The following FBXL20 variants were observed in gnomAD, a reference collection of about 807,000 sequenced individuals.
FBXL20 encodes F-box and leucine rich repeat protein 20.
Under a neutral mutation model 64.0 loss-of-function variants are expected in FBXL20, and 11 were observed. The ratio of observed to expected loss-of-function variants is 0.17; its 90% CI spans 0.11 to 0.28. FBXL20 has a LOEUF of 0.28. Ranked by LOEUF, FBXL20 falls within the 10% of genes least tolerant of loss-of-function variation. The pLI, the probability that FBXL20 is intolerant of heterozygous loss-of-function variation, is 1.00. For synonymous variants in FBXL20, 184 were observed against 189.0 expected (o/e 0.97, Z 0.22); for missense variants, 303 against 526.2 (o/e 0.58, Z 4.15).
chr17:39,340,701 A>T (rs546054407), intron 2 of FBXL20, among the ~76,000 whole-genome samples: 8 of 148,418 alleles, frequency 5.4e-5, no homozygotes, highest in Non-Finnish European at 9.0e-5. Flanking sequence ...AAGAACATCT[A>T]AAAAAAAAAG....
chr17:39,368,978 AT>A (rs2047888708), intron 1 of FBXL20, among the ~76,000 whole-genome samples: 1 of 152,242 alleles, frequency 6.6e-6, no homozygotes, highest in African/African-American at 2.4e-5. Context: ...CTTCTAAAAA[AT>A]AACTGAAGTT....
chr17:39,311,687 C>T (rs1019239728), intron 2 of FBXL20, among the ~76,000 whole-genome samples: 8 of 152,126 alleles, frequency 5.3e-5, no homozygotes, highest in Non-Finnish European at 1.0e-4. Context: ...AATGCTGCTG[C>T]TTTTTCCTGT....
intron 1 of FBXL20, among the ~76,000 whole-genome samples, chr17:39,362,286 C>A (rs1445812859): frequency 1.3e-5 from 2 of 150,962 alleles, no homozygotes; most frequent in African/African-American, 4.9e-5. Flanking sequence ...GAGCGAGACT[C>A]CGTCTCAAAA....
chr17:39,331,803 CTCT>C (rs2047464008), intron 2 of FBXL20, among the ~76,000 whole-genome samples: 1 of 152,202 alleles, frequency 6.6e-6, no homozygotes, highest in African/African-American at 2.4e-5. Context: ...ATCTGTTTGT[CTCT>C]TCATTAACTA....
chr17:39,313,204 A>C (rs1225046717), intron 2 of FBXL20, among the ~76,000 whole-genome samples: 1 of 151,872 alleles, frequency 6.6e-6, no homozygotes, highest in Admixed American at 6.6e-5. Context: ...GGTGTGAGCC[A>C]CAGTGCCCGG....
intron 5 of FBXL20, chr17:39,297,651 T>TA: frequency 6.5e-6 from 1 of 154,796 alleles, no homozygotes; most frequent in African/African-American, 2.4e-5. Flanking sequence ...GGGACCCTTC[T>TA]AGACTCTGCC....
Position 39,320,091 on chromosome 17 carries a change from G to A in FBXL20, c.105-16452C>T, listed in dbSNP as rs913683089. Reference sequence around the variant, plus strand: ...GTCCCTACAAACAACATACATACACGTACACACAGATTTTGTTTCTTATAT... The same window carrying A: ...GTCCCTACAAACAACATACATACACATACACACAGATTTTGTTTCTTATAT... On this transcript the variant is annotated intron_variant, in intron 2 of 14. Transcript: ENST00000264658. 1.5e-4 allele frequency among the ~76,000 whole-genome samples: 23 copies of A among 152,106 alleles called. No individual in the cohort carries two copies. In the East Asian group the frequency reaches 1.5e-3, roughly 10 times the overall value.
rs563611811 is a variant in FBXL20, at chr17:39,352,554, A to C, written c.43-9313T>G. 5.3e-5 allele frequency among the ~76,000 whole-genome samples: 8 copies of C among 151,668 alleles called. No homozygotes were observed. The East Asian group carries it at 1.4e-3, about 26-fold the overall frequency. On this transcript the variant is annotated intron_variant, in intron 1 of 14. Transcript: ENST00000264658. ...AAATCAGCCGGGTGTGGTAGCGTGCACCTGTAGTCCCAACTACTTGGGAGG... is the reference window on the plus strand; with the variant it reads ...AAATCAGCCGGGTGTGGTAGCGTGCCCCTGTAGTCCCAACTACTTGGGAGG...
chr17:39,369,908 A>G (rs1287447802), intron 1 of FBXL20, among the ~76,000 whole-genome samples: 1 of 152,070 alleles, frequency 6.6e-6, no homozygotes, highest in Non-Finnish European at 1.5e-5. Flanking sequence ...TGCTGGGATT[A>G]CAAACACGAG....
At chr17:39,378,500 A>G (rs1351175119) in intron 1 of FBXL20, among the ~76,000 whole-genome samples, 1 of 152,218 alleles carries the variant, frequency 6.6e-6, no homozygotes, top group Non-Finnish European at 1.5e-5. Flanking sequence ...TACAAAGGAG[A>G]TAGACAAAGC....
intron 6 of FBXL20, among the ~76,000 whole-genome samples, chr17:39,286,497 G>A (rs1271587071): frequency 2.6e-5 from 4 of 152,126 alleles, no homozygotes; most frequent in Non-Finnish European, 5.9e-5. Context: ...TTACAAGTGT[G>A]AGCCACTGTG....
chr17:39,385,226 AAC>A (rs776098649), intron 1 of FBXL20, among the ~76,000 whole-genome samples: 11 of 151,962 alleles, frequency 7.2e-5, no homozygotes, highest in Admixed American at 2.0e-4. Flanking sequence ...TGTCTCTAGA[AAC>A]ACACACGCGC....
intron 1 of FBXL20, among the ~76,000 whole-genome samples, chr17:39,385,232 C>A (rs933975134): frequency 6.6e-6 from 1 of 151,236 alleles, no homozygotes; most frequent in Non-Finnish European, 1.5e-5. Context: ...TAGAAACACA[C>A]ACGCGCGTGC....
chr17:39,270,444 T>C (rs746756308), intron 11 of FBXL20, among the ~76,000 whole-genome samples: 4 of 152,070 alleles, frequency 2.6e-5, no homozygotes, highest in Non-Finnish European at 4.4e-5. Context: ...CTCGGGAGGC[T>C]GAGGCAGGAG....
rs376000127 is a variant in FBXL20 at position 39,265,384 on chromosome 17, A to G, written c.990+13T>C. ...ACCCAGTAAACACATAAAGTTTTCA[A>G]AGTTAAACTCACCAATACTTGAAGT... On this transcript the variant is annotated intron_variant, in intron 13 of 14. Transcript: ENST00000264658. The G allele has an allele frequency of 3.7e-5, 59 of 1,602,334 alleles. No homozygotes were observed. In the African/African-American group the frequency reaches 6.7e-4, roughly 18 times the overall value.
rs180796861 is a variant in FBXL20 at position 39,272,261 on chromosome 17, G to A, written c.828-1405C>T. Among the ~76,000 whole-genome samples the A allele has an allele frequency of 7.1e-3, 1,073 of 151,868 alleles. 8 individuals carry two copies. The highest frequency in any genetic ancestry group is 0.012 in the Non-Finnish European group (817 of 67,970). On this transcript the variant is annotated intron_variant, in intron 10 of 14. Coordinates refer to ENST00000264658, the MANE Select transcript of FBXL20 (RefSeq NM_032875.3). ...ATTAGTCAGGCATGGTGGTGGGCAC[G>A]TGTAGTCCCAGCTATCTGAGAGGTT... is the stretch of plus-strand genomic sequence containing the variant.
intron 2 of FBXL20, among the ~76,000 whole-genome samples, chr17:39,322,393 A>T (rs2144516353): frequency 6.6e-6 from 1 of 152,260 alleles, no homozygotes; most frequent in East Asian, 1.9e-4. Flanking sequence ...AGTTTACAAA[A>T]AGCTGCTGTT....
Position 39,264,407 on chromosome 17 carries a change from G to T in FBXL20, c.991-20C>A. ...CAGACTCTGCAGCCAAATAGAGCAA[G>T]GAAGGATGTTGAAATATCTTCTGGC... On this transcript the variant is annotated intron_variant, in intron 13 of 14. Transcript: ENST00000264658. 1 of 1,606,100 alleles carries T rather than the reference G, an allele frequency of 6.2e-7. No individual in the cohort carries two copies.
chr17:39,336,645 G>T (rs2047524487), intron 2 of FBXL20, among the ~76,000 whole-genome samples: 1 of 152,006 alleles, frequency 6.6e-6, no homozygotes, highest in South Asian at 2.1e-4. Flanking sequence ...CCAACATGGT[G>T]AAACCCCATC....
Sources: allele counts gnomAD v4.1 joint callset (sites outside exome capture counted in the v4.1 genomes callset), GRCh38; gene constraint gnomAD v4.1.1; transcripts MANE v1.5; gene names NCBI Gene and HGNC (gene_info 2026-07-23, HGNC 2026-07-21).